Variants in ENTPD1 observed in about 807,000 individuals in gnomAD.
ENTPD1 encodes the protein ATP diphosphohydrolase.
ENTPD1 carries 33 observed loss-of-function variants against 57.0 expected under a neutral mutation model. The observed-to-expected ratio is 0.58, with a 90% CI of 0.44 to 0.77. The LOEUF (loss-of-function observed/expected upper bound fraction) is 0.77, where lower values mean the gene tolerates loss of function less well. Among genes scored for constraint, ENTPD1 ranks in the 30% least tolerant of loss-of-function variants. The pLI is 0.00. For synonymous variants in ENTPD1, 202 were observed against 218.8 expected (o/e 0.92, Z 0.68); for missense variants, 501 against 603.4 (o/e 0.83, Z 1.78).
chr10:95,863,257 C>A (rs866857526), intron 8 of ENTPD1, among the ~76,000 whole-genome samples: 57 of 152,290 alleles, frequency 3.7e-4, no homozygotes, highest in African/African-American at 1.3e-3. Flanking sequence ...CCCAGCCCCC[C>A]ACAAGGGATA....
chr10:95,844,074 G>A (rs1486919049), intron 4 of ENTPD1, among the ~76,000 whole-genome samples: 1 of 152,154 alleles, frequency 6.6e-6, no homozygotes, highest in African/African-American at 2.4e-5. Flanking sequence ...GTCTGGCCAT[G>A]TAACCAGCTA....
intron 1 of ENTPD1, among the ~76,000 whole-genome samples, chr10:95,730,664 A>G (rs1400793700): frequency 6.6e-6 from 1 of 152,262 alleles, no homozygotes; most frequent in African/African-American, 2.4e-5. Flanking sequence ...ATTTATTTAT[A>G]GCCATTCTTA....
At position 95,851,834 on chromosome 10, in the gene ENTPD1, T is replaced by G. The variant is rs1480298402; in HGVS notation, c.1074+4128T>G. 3.3e-5 allele frequency among the ~76,000 whole-genome samples: 5 copies of G among 152,014 alleles called. No homozygotes were observed. In the South Asian group the frequency reaches 8.3e-4, roughly 25 times the overall value. ...TTTCTTAATCCAGTCTATCATTGAT[T>G]GACATTTGGGTTGGTTCCAAGTCTT... On this transcript the variant is annotated intron_variant, in intron 7 of 9. Transcript: ENST00000371205.
chr10:95,716,175 G>C (rs1365416897), intron 1 of ENTPD1, among the ~76,000 whole-genome samples: 1 of 152,138 alleles, frequency 6.6e-6, no homozygotes, highest in East Asian at 1.9e-4. Context: ...TCATTTTTAA[G>C]TATATTTTTA....
intron 1 of ENTPD1, among the ~76,000 whole-genome samples, chr10:95,715,414 A>G (rs1423556631): frequency 6.6e-6 from 1 of 152,018 alleles, no homozygotes; most frequent in Admixed American, 6.5e-5. Flanking sequence ...TGTGCATGCT[A>G]TTCAACCTAC....
the ENTPD1 span, among the ~76,000 whole-genome samples, chr10:95,703,777 GTC>G: frequency 1.3e-4 from 6 of 44,462 alleles, no homozygotes; most frequent in South Asian, 8.9e-4. Context: ...GCGAGACTCT[GTC>G]TCAAAAAAAA....
intron 1 of ENTPD1, among the ~76,000 whole-genome samples, chr10:95,768,031 G>A (rs1326703575): frequency 6.6e-6 from 1 of 152,234 alleles, no homozygotes; most frequent in Admixed American, 6.5e-5. Flanking sequence ...GACACAGCAA[G>A]AAGGCCCTTG....
At chr10:95,805,911 G>T (rs1417714505) in intron 1 of ENTPD1, among the ~76,000 whole-genome samples, 1 of 152,194 alleles carries the variant, frequency 6.6e-6, no homozygotes, top group East Asian at 1.9e-4. Context: ...TTTCTCTCTG[G>T]CTGCCCTTAA....
rs560611421 is a variant in ENTPD1 at position 95,803,281 on chromosome 10, A to G, written c.17-19956A>G. Among the ~76,000 whole-genome samples the G allele has an allele frequency of 2.6e-5, 4 of 152,274 alleles. No individual in the cohort carries two copies. The South Asian group carries it at 8.3e-4, about 32-fold the overall frequency. ...TCTAGTTCTAGATCCTTGGATCACC[A>G]CACTGTCTTCCACAATGGTTGAGCT... On this transcript the variant is annotated intron_variant, in intron 1 of 9. Transcript: ENST00000371205.
chr10:95,753,541 G>A (rs983138173), upstream of ENTPD1: 2 of 152,156 alleles, frequency 1.3e-5, no homozygotes, highest in Non-Finnish European at 2.9e-5. Context: ...TACCTCTCCT[G>A]GTTAAACCAG....
intron 7 of ENTPD1, among the ~76,000 whole-genome samples, chr10:95,858,118 C>G (rs926006094): frequency 3.3e-5 from 5 of 149,932 alleles, no homozygotes; most frequent in African/African-American, 9.9e-5. Context: ...GATCGCGCCA[C>G]TGCACTCCAG....
intron 1 of ENTPD1, among the ~76,000 whole-genome samples, chr10:95,811,246 G>T (rs191449117): frequency 2.0e-5 from 3 of 152,280 alleles, no homozygotes; most frequent in African/African-American, 7.2e-5. Context: ...AAATTACATT[G>T]ATCTGGCAAG....
intron 1 of ENTPD1, among the ~76,000 whole-genome samples, chr10:95,806,176 G>A (rs1589917610): frequency 6.6e-6 from 1 of 152,288 alleles, no homozygotes; most frequent in East Asian, 1.9e-4. Context: ...ATTTCTTGGA[G>A]GCTTTGTTCA....
At chr10:95,805,474 C>T (rs2098268196) in intron 1 of ENTPD1, among the ~76,000 whole-genome samples, 1 of 152,148 alleles carries the variant, frequency 6.6e-6, no homozygotes, top group Non-Finnish European at 1.5e-5. Context: ...TTAATTGGGA[C>T]ATTTAGCCCA....
Position 95,867,048 on chromosome 10 carries a change from TG to T in ENTPD1, c.*667del. On this transcript the variant is annotated 3_prime_UTR_variant, in exon 10 of 10. Coordinates refer to ENST00000371205, the MANE Select transcript of ENTPD1 (RefSeq NM_001776.6). The stretch of plus-strand genomic sequence containing the variant: ...TAGGTGATACCCAAATGCTACAGAG[TG>T]GAACACTCAGACCTGAGATTTGCAA... 4.0e-6 allele frequency: 4 copies of T among 989,168 alleles called. No individual in the cohort carries two copies. The highest frequency in any genetic ancestry group is 4.8e-6 in the Non-Finnish European group (4 of 832,266). The allele number at this position is 989,168 out of a possible 1,614,324, so 61.3% of individuals were successfully genotyped here. A position where few individuals can be genotyped will look rare whatever the true frequency, so the allele number is the denominator to read the frequency against.
upstream of ENTPD1, among the ~76,000 whole-genome samples, chr10:95,709,168 A>G (rs1338265732): frequency 6.6e-6 from 1 of 152,150 alleles, no homozygotes; most frequent in Non-Finnish European, 1.5e-5. Context: ...CACTTCAAAA[A>G]CTATCATACA....
chr10:95,824,863 G>A (rs1167749151), intron 2 of ENTPD1, among the ~76,000 whole-genome samples: 1 of 152,180 alleles, frequency 6.6e-6, no homozygotes, highest in Non-Finnish European at 1.5e-5. Flanking sequence ...TAAATAAAAG[G>A]TAGGAGTATT....
At chr10:95,709,398 T>G (rs2097963817), upstream of ENTPD1, among the ~76,000 whole-genome samples, 1 of 152,208 alleles carries the variant, frequency 6.6e-6, no homozygotes, top group African/African-American at 2.4e-5. Flanking sequence ...TCTTTGTTTT[T>G]TTGAGACGAA....
chr10:95,760,457 C>T (rs1365083312), intron 1 of ENTPD1, among the ~76,000 whole-genome samples: 1 of 152,176 alleles, frequency 6.6e-6, no homozygotes, highest in Non-Finnish European at 1.5e-5. Flanking sequence ...GATTTGAAGG[C>T]AGAAGTACAG....
Sources: gnomAD v4.1 joint callset for allele counts (sites outside exome capture counted in the v4.1 genomes callset) on GRCh38, gnomAD v4.1.1 for gene constraint, MANE v1.5 for transcripts, NCBI Gene and HGNC (gene_info 2026-07-23, HGNC 2026-07-21) for gene names.